The following SLIT3 variants were observed in gnomAD, a reference collection of about 807,000 sequenced individuals.
The protein encoded by SLIT3 is slit homolog 3 protein.
SLIT3 carries 68 observed loss-of-function variants against 184.0 expected under a neutral mutation model. The ratio of observed to expected loss-of-function variants is 0.37; its 90% CI spans 0.30 to 0.45. The LOEUF (loss-of-function observed/expected upper bound fraction) is 0.45. Among genes scored for constraint, SLIT3 ranks in the 20% least tolerant of loss-of-function variants. The pLI is 1.00. For synonymous variants in SLIT3, 831 were observed against 828.6 expected (o/e 1.00, Z -0.05); for missense variants, 1,707 against 2,026.0 (o/e 0.84, Z 3.02).
intron 4 of SLIT3, among the ~76,000 whole-genome samples, chr5:169,151,271 G>A (rs777666388): frequency 8.5e-5 from 13 of 152,130 alleles, no homozygotes; most frequent in East Asian, 7.7e-4. Context: ...GCCCATTGCC[G>A]CCTGGGAGTG....
intron 4 of SLIT3, among the ~76,000 whole-genome samples, chr5:168,947,087 G>A (rs1278174765): frequency 6.6e-6 from 1 of 152,046 alleles, no homozygotes; most frequent in Non-Finnish European, 1.5e-5. Flanking sequence ...GAGAAAGTCA[G>A]TATTGTCTAT....
At chr5:168,671,149 G>A (rs971693790) in intron 34 of SLIT3, 49 bp downstream of exon 34, 11 of 1,577,368 alleles carry the variant, frequency 7.0e-6, no homozygotes, top group Non-Finnish European at 9.5e-6. Flanking sequence ...TAGGGACTGA[G>A]GCCATTCTGG....
At chr5:169,226,499 C>T (rs956689475) in intron 3 of SLIT3, among the ~76,000 whole-genome samples, 1 of 152,118 alleles carries the variant, frequency 6.6e-6, no homozygotes, top group East Asian at 1.9e-4. Context: ...CTCTGATCTT[C>T]GGGACTAAAA....
At chr5:169,075,919 A>C (rs2113139418) in intron 4 of SLIT3, among the ~76,000 whole-genome samples, 1 of 152,350 alleles carries the variant, frequency 6.6e-6, no homozygotes, top group African/African-American at 2.4e-5. Context: ...AAATAAAGCC[A>C]ATACCTGCCA....
chr5:169,173,852 T>C (rs142960538), intron 4 of SLIT3, among the ~76,000 whole-genome samples: 2 of 152,314 alleles, frequency 1.3e-5, no homozygotes, highest in Non-Finnish European at 1.5e-5. Context: ...CCAGTCTCTG[T>C]ATGCCTAGAA....
chr5:168,905,015 T>A (rs755120893), intron 4 of SLIT3, among the ~76,000 whole-genome samples: 7 of 151,712 alleles, frequency 4.6e-5, no homozygotes, highest in Non-Finnish European at 7.4e-5. Flanking sequence ...AAAATAAAAA[T>A]AAAAATAAGA....
intron 35 of SLIT3, among the ~76,000 whole-genome samples, chr5:168,668,769 A>C (rs1312515479): frequency 1.3e-5 from 2 of 152,120 alleles, no homozygotes; most frequent in Admixed American, 1.3e-4. Context: ...GAGGAAGTGA[A>C]CCACAAGTAT....
chr5:168,959,855 C>T (rs185372299), intron 4 of SLIT3, among the ~76,000 whole-genome samples: 1 of 152,272 alleles, frequency 6.6e-6, no homozygotes, highest in Admixed American at 6.5e-5. Flanking sequence ...TTACCGAGTT[C>T]TCACAGGGTG....
intron 12 of SLIT3, among the ~76,000 whole-genome samples, chr5:168,783,669 T>C (rs1484832364): frequency 2.0e-5 from 3 of 152,152 alleles, no homozygotes; most frequent in African/African-American, 7.2e-5. Flanking sequence ...ATCAGAGCCT[T>C]CTTATCAGTG....
chr5:169,092,703 A>G (rs1759637756), intron 4 of SLIT3, among the ~76,000 whole-genome samples: 1 of 152,148 alleles, frequency 6.6e-6, no homozygotes, highest in Non-Finnish European at 1.5e-5. Context: ...TACCAGAGTG[A>G]GGTGTCCACA....
intron 4 of SLIT3, among the ~76,000 whole-genome samples, chr5:168,912,683 A>G (rs1761288571): frequency 1.3e-5 from 2 of 152,196 alleles, no homozygotes; most frequent in African/African-American, 4.8e-5. Context: ...ATACACTTGA[A>G]TCTTTACTAT....
intron 4 of SLIT3, among the ~76,000 whole-genome samples, chr5:168,985,701 A>G (rs1162792467): frequency 2.0e-5 from 3 of 152,188 alleles, no homozygotes; most frequent in Non-Finnish European, 4.4e-5. Context: ...ACAGGAATGC[A>G]GGGACAAAGA....
intron 5 of SLIT3, among the ~76,000 whole-genome samples, chr5:168,846,452 G>C (rs891239859): frequency 6.6e-6 from 1 of 152,064 alleles, no homozygotes; most frequent in Non-Finnish European, 1.5e-5. Context: ...TCCCTGCAGA[G>C]GTTCTATGAA....
chr5:169,034,304 C>T (rs547461407), intron 4 of SLIT3, among the ~76,000 whole-genome samples: 1 of 151,630 alleles, frequency 6.6e-6, no homozygotes, highest in Non-Finnish European at 1.5e-5. Context: ...GTGCAATATC[C>T]AAAAAAAACC....
chr5:168,972,341 G>GTGTA (rs1554086381), intron 4 of SLIT3, among the ~76,000 whole-genome samples: 1 of 148,674 alleles, frequency 6.7e-6, no homozygotes, highest in Non-Finnish European at 1.5e-5. Flanking sequence ...GACAACATGT[G>GTGTA]TGTGTGTGTG....
At chr5:169,081,112 C>T (rs1368135871) in intron 4 of SLIT3, among the ~76,000 whole-genome samples, 1 of 152,184 alleles carries the variant, frequency 6.6e-6, no homozygotes, top group African/African-American at 2.4e-5. Flanking sequence ...GCCAACTCTG[C>T]ACAATCACGA....
rs535596898 is a variant in SLIT3, at chr5:169,281,754, A to C, written c.197+18759T>G. 2.2e-3 allele frequency among the ~76,000 whole-genome samples: 332 copies of C among 152,378 alleles called. 1 individual carries two copies. Among genetic ancestry groups the C allele is most frequent in the African/African-American group, 7.7e-3 (321 of 41,594 alleles). On this transcript the variant is annotated intron_variant, in intron 1 of 35. Coordinates refer to ENST00000519560, the MANE Select transcript of SLIT3 (RefSeq NM_003062.4). ...CCATCTCTGCTCCATGGACATCTGC[A>C]AAAATTTCTGAGGGCACTACAGAGA... is the stretch of plus-strand genomic sequence containing the variant.
chr5:169,155,720 G>C (rs949627506), intron 4 of SLIT3, among the ~76,000 whole-genome samples: 1 of 152,192 alleles, frequency 6.6e-6, no homozygotes, highest in African/African-American at 2.4e-5. Context: ...ATCTGACTAA[G>C]GCATAGCCCT....
chr5:169,059,472 A>G (rs1758110614), intron 4 of SLIT3, among the ~76,000 whole-genome samples: 1 of 152,078 alleles, frequency 6.6e-6, no homozygotes, highest in Non-Finnish European at 1.5e-5. Context: ...CGTTTACCTG[A>G]GTTGCACTGC....
Sources: gnomAD v4.1 joint callset for allele counts (sites outside exome capture counted in the v4.1 genomes callset) on GRCh38, gnomAD v4.1.1 for gene constraint, MANE v1.5 for transcripts, NCBI Gene and HGNC (gene_info 2026-07-23, HGNC 2026-07-21) for gene names.